Variants in LAMA2 observed in about 807,000 individuals in gnomAD.
LAMA2 encodes laminin subunit alpha 2, also known as laminin subunit alpha-2.
LAMA2 carries 269 observed loss-of-function variants against 364.8 expected under a neutral mutation model. That is an observed-to-expected ratio of 0.74 (90% CI 0.67 to 0.82). LAMA2 has a LOEUF of 0.82. Among genes scored for constraint, LAMA2 ranks in the 40% least tolerant of loss-of-function variants. The pLI is 0.00. For synonymous variants in LAMA2, 1,379 were observed against 1,370.6 expected (o/e 1.01, Z -0.14); for missense variants, 3,807 against 3,873.2 (o/e 0.98, Z 0.45).
intron 11 of LAMA2, among the ~76,000 whole-genome samples, chr6:129,191,933 C>T (rs572236981): frequency 6.6e-6 from 1 of 152,284 alleles, no homozygotes; most frequent in East Asian, 1.9e-4. Context: ...TAGGCCTGAC[C>T]TTGGCTGAAG....
intron 1 of LAMA2, among the ~76,000 whole-genome samples, chr6:129,035,267 G>T (rs1786540997): frequency 6.7e-6 from 1 of 148,324 alleles, no homozygotes; most frequent in African/African-American, 2.5e-5. Flanking sequence ...TTGCTTTTTG[G>T]CCACTTGTAT....
At chr6:128,934,144 C>A (rs1230194892) in intron 1 of LAMA2, among the ~76,000 whole-genome samples, 2 of 152,144 alleles carry the variant, frequency 1.3e-5, no homozygotes, top group East Asian at 1.9e-4. Flanking sequence ...CAAAATCATT[C>A]TTTTGCATGT....
At chr6:129,199,446 C>T (rs1177165309) in intron 12 of LAMA2, among the ~76,000 whole-genome samples, 1 of 152,130 alleles carries the variant, frequency 6.6e-6, no homozygotes, top group Non-Finnish European at 1.5e-5. Context: ...TGAAACAATT[C>T]TCACTATAAC....
At chr6:129,395,995 G>A (rs1028209607) in intron 37 of LAMA2, among the ~76,000 whole-genome samples, 7 of 152,186 alleles carry the variant, frequency 4.6e-5, no homozygotes, top group Non-Finnish European at 8.8e-5. Flanking sequence ...ATCGCATTGT[G>A]AGACTAAGCT....
intron 29 of LAMA2, 132 bp downstream of exon 29, chr6:129,328,544 GA>G: frequency 2.8e-6 from 4 of 1,419,738 alleles, no homozygotes; most frequent in Non-Finnish European, 3.9e-6. Flanking sequence ...ATATGTAAGG[GA>G]AAAAGATATT....
intron 1 of LAMA2, among the ~76,000 whole-genome samples, chr6:129,004,418 A>C (rs1350325552): frequency 1.5e-5 from 1 of 68,682 alleles, no homozygotes; most frequent in Non-Finnish European, 2.8e-5. Context: ...AAAAAAAAAA[A>C]AAAAAAAAAA....
chr6:129,284,079 A>G (rs1034199509), intron 18 of LAMA2, among the ~76,000 whole-genome samples: 1 of 152,124 alleles, frequency 6.6e-6, no homozygotes, highest in African/African-American at 2.4e-5. Flanking sequence ...TTTTCTGCAT[A>G]TGTCTAGAAA....
intron 58 of LAMA2, among the ~76,000 whole-genome samples, chr6:129,500,198 C>A (rs1320640556): frequency 6.6e-6 from 1 of 152,094 alleles, no homozygotes; most frequent in Non-Finnish European, 1.5e-5. Context: ...CATTTAAATC[C>A]TAAGGTACAT....
At chr6:129,492,239 C>A in intron 57 of LAMA2, 76 bp from the exon 58 acceptor site, 1 of 1,493,484 alleles carries the variant, frequency 6.7e-7, no homozygotes, top group Non-Finnish European at 9.3e-7. Flanking sequence ...CTTAAAAAGG[C>A]ATGCGGGGAT....
chr6:129,312,152 GAA>G (rs5879943), intron 22 of LAMA2, among the ~76,000 whole-genome samples: 48 of 148,708 alleles, frequency 3.2e-4, no homozygotes, highest in African/African-American at 7.9e-4. Context: ...TAAGTTGATG[GAA>G]AAAAAAAAAA....
intron 29 of LAMA2, among the ~76,000 whole-genome samples, chr6:129,337,210 G>C (rs1776004825): frequency 6.6e-6 from 1 of 152,198 alleles, no homozygotes; most frequent in African/African-American, 2.4e-5. Flanking sequence ...GTCCTTACTT[G>C]ATTGCAGATT....
At chr6:128,986,663 G>T (rs923202876) in intron 1 of LAMA2, among the ~76,000 whole-genome samples, 5 of 151,706 alleles carry the variant, frequency 3.3e-5, no homozygotes, top group Non-Finnish European at 7.4e-5. Flanking sequence ...GACTTTGAAA[G>T]ATTTCTTAGC....
intron 32 of LAMA2, among the ~76,000 whole-genome samples, chr6:129,354,406 A>G (rs967425076): frequency 6.6e-6 from 1 of 152,132 alleles, no homozygotes; most frequent in African/African-American, 2.4e-5. Context: ...GAGAGGGGAG[A>G]GATTAAATGT....
chr6:129,286,719 TTATATAATATA>T (rs1205686647), intron 18 of LAMA2, among the ~76,000 whole-genome samples: 1 of 554 alleles, frequency 1.8e-3, no homozygotes, highest in African/African-American at 0.012. Flanking sequence ...ATATAATATA[TTATATAATATA>T]TTATATAATA....
At chr6:129,160,504 T>C (rs1233486882) in intron 8 of LAMA2, among the ~76,000 whole-genome samples, 1 of 152,014 alleles carries the variant, frequency 6.6e-6, no homozygotes, top group Non-Finnish European at 1.5e-5. Context: ...ATGTTAGGGG[T>C]TTATCAATTT....
chr6:129,031,073 A>G (rs1786186329), intron 1 of LAMA2, among the ~76,000 whole-genome samples: 2 of 152,184 alleles, frequency 1.3e-5, no homozygotes, highest in South Asian at 4.1e-4. Flanking sequence ...TACTTGAAAT[A>G]TTTACAAGAG....
intron 43 of LAMA2, 102 bp downstream of exon 43, chr6:129,441,100 T>G (rs528987325): frequency 9.9e-7 from 1 of 1,005,674 alleles, no homozygotes; most frequent in Non-Finnish European, 1.5e-6. Context: ...CTCATGGTGG[T>G]GTAGTCTGCC....
rs1281978737 is a variant in LAMA2, at chr6:128,908,470, T to G, written c.112+25113T>G. On this transcript the variant is annotated intron_variant, in intron 1 of 64. Coordinates refer to ENST00000421865, the MANE Select transcript of LAMA2 (RefSeq NM_000426.4). ...GATGGTAGTTTGTATTTCTGTGGGA[T>G]CGGTGGTGATATCCCCTTTATCATT... 1.5e-4 allele frequency among the ~76,000 whole-genome samples: 23 copies of G among 149,080 alleles called. No individual in the cohort carries two copies. In the South Asian group the frequency reaches 2.8e-3, roughly 18 times the overall value.
chr6:129,065,879 G>A (rs1193556612), intron 3 of LAMA2, among the ~76,000 whole-genome samples: 1 of 151,780 alleles, frequency 6.6e-6, no homozygotes, highest in Admixed American at 6.6e-5. Context: ...TTTATCAGGG[G>A]TTTCCGCTTT....
Sources: allele counts gnomAD v4.1 joint callset (sites outside exome capture counted in the v4.1 genomes callset), GRCh38; gene constraint gnomAD v4.1.1; transcripts MANE v1.5; gene names NCBI Gene and HGNC (gene_info 2026-07-23, HGNC 2026-07-21).